Variants in CLNK observed in about 807,000 individuals in gnomAD.
CLNK encodes the protein cytokine-dependent hematopoietic cell linker.
In CLNK, 74 loss-of-function variants were observed where a neutral mutation model predicts 68.6. That is an observed-to-expected ratio of 1.08 (90% CI 0.89 to 1.31). The LOEUF (loss-of-function observed/expected upper bound fraction) is 1.31. Ranked by LOEUF, CLNK falls within the 50% of genes most tolerant of loss-of-function variation. CLNK has a pLI of 0.00. For missense variants in CLNK, 553 were observed against 515.3 expected, an observed-to-expected ratio of 1.07 and a Z score of -0.71; for synonymous variants, 198 against 172.2, an observed-to-expected ratio of 1.15 and a Z score of -1.17.
the CLNK span, among the ~76,000 whole-genome samples, chr4:10,717,362 G>A: frequency 2.0e-5 from 3 of 152,210 alleles, no homozygotes; most frequent in Admixed American, 6.5e-5. Flanking sequence ...TTGGGAGGCC[G>A]AGGCGGACAG....
intron 2 of CLNK, among the ~76,000 whole-genome samples, chr4:10,603,529 G>A (rs949928725): frequency 4.6e-5 from 7 of 152,214 alleles, no homozygotes; most frequent in Non-Finnish European, 7.3e-5. Flanking sequence ...TCCTGAGGAA[G>A]CAGACTCTGA....
chr4:10,587,646 T>C (rs1237916401), intron 3 of CLNK, among the ~76,000 whole-genome samples: 1 of 152,196 alleles, frequency 6.6e-6, no homozygotes, highest in South Asian at 2.1e-4. Context: ...ACTTACTGCC[T>C]TCTGTTCACC....
chr4:10,513,728 A>G, intron 15 of CLNK, 131 bp from the exon 16 acceptor site: 2 of 768,788 alleles, frequency 2.6e-6, no homozygotes, highest in Non-Finnish European at 3.8e-6. Flanking sequence ...ACACCATATC[A>G]GCTCACTCAG....
chr4:10,546,525 CTA>C (rs1719237749), intron 8 of CLNK, among the ~76,000 whole-genome samples: 1 of 152,222 alleles, frequency 6.6e-6, no homozygotes, highest in South Asian at 2.1e-4. Flanking sequence ...GTCTATATTT[CTA>C]TCAGCATTCT....
chr4:10,549,342 C>A (rs549355356), intron 8 of CLNK, among the ~76,000 whole-genome samples: 21 of 152,226 alleles, frequency 1.4e-4, no homozygotes, highest in Admixed American at 9.8e-4. Context: ...GATGGTAATT[C>A]AGATAAATTC....
rs1255354078 is a variant in CLNK, at chr4:10,540,475, T to C, written c.602+19A>G. The C allele has an allele frequency of 6.4e-7, 1 of 1,560,928 alleles. No homozygotes were observed. The highest frequency in any genetic ancestry group is 1.4e-5 in the African/African-American group (1 of 73,750). ...CACACTCTTGCTGGTCATTTCACCA[T>C]TGATGATGAATCTCTCACCTGGGCA... is the stretch of plus-strand genomic sequence containing the variant. On this transcript the variant is annotated intron_variant, in intron 11 of 18. Coordinates refer to ENST00000226951, the MANE Select transcript of CLNK (RefSeq NM_052964.4).
intron 15 of CLNK, among the ~76,000 whole-genome samples, chr4:10,520,150 T>C (rs1043545740): frequency 6.6e-6 from 1 of 152,196 alleles, no homozygotes; most frequent in Non-Finnish European, 1.5e-5. Context: ...ATGATGGCTC[T>C]AGTTTGCACA....
chr4:10,511,635 C>G (rs968045498), intron 16 of CLNK, among the ~76,000 whole-genome samples: 8 of 152,146 alleles, frequency 5.3e-5, no homozygotes, highest in African/African-American at 1.2e-4. Context: ...CCATGTCTGA[C>G]TTATTTCACT....
intron 8 of CLNK, among the ~76,000 whole-genome samples, chr4:10,546,024 G>C (rs1186699247): frequency 2.0e-5 from 3 of 152,094 alleles, no homozygotes; most frequent in African/African-American, 7.2e-5. Context: ...TTCCATCCTA[G>C]AACTCTAGGC....
At chr4:10,569,263 C>G (rs997851421) in intron 5 of CLNK, among the ~76,000 whole-genome samples, 5 of 145,016 alleles carry the variant, frequency 3.4e-5, no homozygotes, top group Non-Finnish European at 5.9e-5. Context: ...ACCATTGGTA[C>G]TGCACAACAT....
the CLNK span, among the ~76,000 whole-genome samples, chr4:10,693,757 A>G: frequency 6.6e-6 from 1 of 152,326 alleles, no homozygotes; most frequent in African/African-American, 2.4e-5. Flanking sequence ...TTATGCCTGA[A>G]GAGTACACAT....
intron 4 of CLNK, among the ~76,000 whole-genome samples, chr4:10,583,624 G>T (rs893261100): frequency 6.6e-6 from 1 of 152,154 alleles, no homozygotes; most frequent in Admixed American, 6.6e-5. Flanking sequence ...GTCATAATTT[G>T]CTGCTAAGTG....
At chr4:10,541,629 T>A (rs1719030062) in intron 10 of CLNK, among the ~76,000 whole-genome samples, 1 of 151,916 alleles carries the variant, frequency 6.6e-6, no homozygotes, top group Non-Finnish European at 1.5e-5. Context: ...GAATATATAC[T>A]TAATATATTG....
At chr4:10,648,908 C>G (rs1053685451) in intron 2 of CLNK, among the ~76,000 whole-genome samples, 1 of 152,126 alleles carries the variant, frequency 6.6e-6, no homozygotes, top group African/African-American at 2.4e-5. Flanking sequence ...TCTCTCAAAC[C>G]AGGGAGATCT....
chr4:10,704,448 C>A, the CLNK span, among the ~76,000 whole-genome samples: 1 of 148,294 alleles, frequency 6.7e-6, no homozygotes, highest in South Asian at 2.1e-4. Context: ...TTTTCTTTTG[C>A]CATTTGAAAA....
chr4:10,660,470 C>A (rs930660194), intron 2 of CLNK, among the ~76,000 whole-genome samples: 2 of 152,138 alleles, frequency 1.3e-5, no homozygotes, highest in East Asian at 3.8e-4. Flanking sequence ...GTGGTAGTTT[C>A]TCTTTATGTA....
intron 2 of CLNK, among the ~76,000 whole-genome samples, chr4:10,621,698 G>C (rs1389763706): frequency 6.6e-6 from 1 of 152,226 alleles, no homozygotes; most frequent in South Asian, 2.1e-4. Flanking sequence ...AGAAAAGGAT[G>C]ATGCGTGTGC....
At chr4:10,491,484 C>G (rs943942508) in intron 18 of CLNK, among the ~76,000 whole-genome samples, 1 of 152,208 alleles carries the variant, frequency 6.6e-6, no homozygotes, top group Non-Finnish European at 1.5e-5. Context: ...GGCTGCTTAG[C>G]TAATTTAGCT....
intron 2 of CLNK, among the ~76,000 whole-genome samples, chr4:10,628,584 G>A (rs957236931): frequency 6.6e-6 from 1 of 152,168 alleles, no homozygotes; most frequent in African/African-American, 2.4e-5. Context: ...GAGGGGCCTT[G>A]GAGGCAGAGT....
Sources: allele counts gnomAD v4.1 joint callset (sites outside exome capture counted in the v4.1 genomes callset), GRCh38; gene constraint gnomAD v4.1.1; transcripts MANE v1.5; gene names NCBI Gene and HGNC (gene_info 2026-07-23, HGNC 2026-07-21).